The following C2orf49 variants were observed in gnomAD, a reference collection of about 807,000 sequenced individuals.
C2orf49 encodes tRNA splicing ligase complex subunit 2.
In C2orf49, 11 loss-of-function variants were observed where a neutral mutation model predicts 20.6. That is an observed-to-expected ratio of 0.53 (90% CI 0.34 to 0.88). C2orf49 has a LOEUF of 0.88. Among genes scored for constraint, C2orf49 ranks in the 40% least tolerant of loss-of-function variants. C2orf49 has a pLI of 0.02. For missense variants in C2orf49, 289 were observed against 274.2 expected (o/e 1.05, Z -0.38); for synonymous variants, 134 against 108.5 (o/e 1.24, Z -1.46).
chr2:105,359,813 C>T, the C2orf49 span: 2 of 152,150 alleles, frequency 1.3e-5, no homozygotes, highest in African/African-American at 4.8e-5. Flanking sequence ...AACAGGATGT[C>T]GTCTCTGGCC....
intron 3 of C2orf49, 52 bp from the exon 4 acceptor site, chr2:105,345,263 T>A: frequency 2.7e-6 from 4 of 1,491,178 alleles, no homozygotes; most frequent in Non-Finnish European, 3.7e-6. Context: ...TCATTTTAGT[T>A]GTTTTCTGAT....
the C2orf49 span, among the ~76,000 whole-genome samples, chr2:105,383,119 C>G: frequency 6.6e-6 from 1 of 152,338 alleles, no homozygotes; most frequent in South Asian, 2.1e-4. Flanking sequence ...CTCCTGGCCT[C>G]AAGTGTTCCA....
chr2:105,353,241 A>G (rs1221136330), downstream of C2orf49, among the ~76,000 whole-genome samples: 1 of 152,130 alleles, frequency 6.6e-6, no homozygotes, highest in East Asian at 1.9e-4. Context: ...TTAAGGCCCT[A>G]TCTCTTAATA....
chr2:105,373,594 G>A, the C2orf49 span: 2 of 1,614,202 alleles, frequency 1.2e-6, no homozygotes, highest in Non-Finnish European at 1.7e-6. Flanking sequence ...CTGGCACTTG[G>A]ATGAGTACTC....
chr2:105,360,073 G>A, the C2orf49 span: 1 of 152,216 alleles, frequency 6.6e-6, no homozygotes, highest in Non-Finnish European at 1.5e-5. Context: ...GGGGGACCGA[G>A]GCAGGTGGAT....
At chr2:105,352,822 T>G (rs532486348), downstream of C2orf49, among the ~76,000 whole-genome samples, 15 of 149,860 alleles carry the variant, frequency 1.0e-4, no homozygotes, top group Non-Finnish European at 1.9e-4. Flanking sequence ...ATTTAACAAT[T>G]AAAGTCGCAG....
chr2:105,363,352 G>C, the C2orf49 span: 6 of 1,614,222 alleles, frequency 3.7e-6, no homozygotes, highest in South Asian at 3.3e-5. Flanking sequence ...TCAGGCAGTA[G>C]GCAAAGTCAT....
chr2:105,381,905 C>T, the C2orf49 span, among the ~76,000 whole-genome samples: 1 of 152,066 alleles, frequency 6.6e-6, no homozygotes, highest in African/African-American at 2.4e-5. Context: ...GAAAGACCAG[C>T]GAGGGAGGCC....
At chr2:105,362,657 C>T in the C2orf49 span, among the ~76,000 whole-genome samples, 4 of 152,174 alleles carry the variant, frequency 2.6e-5, no homozygotes, top group Non-Finnish European at 4.4e-5. Context: ...ATTTGTGTAG[C>T]GATATGTGGT....
At chr2:105,363,328 G>C in the C2orf49 span, 1 of 1,614,212 alleles carries the variant, frequency 6.2e-7, no homozygotes. Context: ...TGGCATACAA[G>C]TCACAGAAGC....
At chr2:105,340,158 A>G (rs1236829827) in intron 2 of C2orf49, among the ~76,000 whole-genome samples, 4 of 152,236 alleles carry the variant, frequency 2.6e-5, no homozygotes, top group South Asian at 2.1e-4. Flanking sequence ...CAAAGCAGCT[A>G]TCAGGGCTGG....
the C2orf49 span, among the ~76,000 whole-genome samples, chr2:105,356,494 G>A: frequency 1.3e-5 from 2 of 152,206 alleles, no homozygotes; most frequent in East Asian, 3.9e-4. Context: ...AAGATCACTT[G>A]AGCCCAGAAG....
At chr2:105,359,532 T>C in the C2orf49 span, 1 of 152,226 alleles carries the variant, frequency 6.6e-6, no homozygotes, top group African/African-American at 2.4e-5. Context: ...TTTATTATAT[T>C]GCATTGTCTT....
chr2:105,350,645 TATG>T (rs1030074506), downstream of C2orf49, among the ~76,000 whole-genome samples: 15 of 152,238 alleles, frequency 9.9e-5, no homozygotes, highest in Non-Finnish European at 1.5e-5. Context: ...CTTTACCAGT[TATG>T]GTGAAAGACA....
rs932589212 is a variant in C2orf49 at position 105,348,608 on chromosome 2, C to T, written c.*3237C>T. On this transcript the variant is annotated 3_prime_UTR_variant, in exon 4 of 4. Coordinates refer to ENST00000258457, the MANE Select transcript of C2orf49 (RefSeq NM_024093.3). The stretch of plus-strand genomic sequence containing the variant: ...GTTGAACTTCAGTAATTTTTAGAGG[C>T]TAAATAATGGTCAGAATGTTTTTAA... The T allele has an allele frequency of 2.7e-5, 4 of 148,604 alleles. No individual in the cohort carries two copies. Among genetic ancestry groups the T allele is most frequent in the Non-Finnish European group, 4.4e-5 (3 of 67,486 alleles). The allele number at this position is 148,604 out of a possible 1,614,324, so 9.2% of individuals were successfully genotyped here. A position where few individuals can be genotyped will look rare whatever the true frequency, so the allele number is the denominator to read the frequency against.
the C2orf49 span, among the ~76,000 whole-genome samples, chr2:105,385,013 T>C: frequency 6.6e-6 from 1 of 152,222 alleles, no homozygotes; most frequent in Non-Finnish European, 1.5e-5. Context: ...CAAGACAGGA[T>C]ACAGGAAGAT....
At chr2:105,368,700 A>G in the C2orf49 span, among the ~76,000 whole-genome samples, 1 of 152,226 alleles carries the variant, frequency 6.6e-6, no homozygotes, top group Admixed American at 6.5e-5. Context: ...CTGTTGACTG[A>G]CATTTTTTCA....
chr2:105,351,317 C>T (rs967616508), downstream of C2orf49, among the ~76,000 whole-genome samples: 2 of 117,260 alleles, frequency 1.7e-5, no homozygotes, highest in Non-Finnish European at 3.9e-5. Context: ...CACCGCGCCC[C>T]CCCCCCCCCA....
the C2orf49 span, among the ~76,000 whole-genome samples, chr2:105,379,472 T>C: frequency 2.0e-5 from 3 of 152,204 alleles, no homozygotes; most frequent in African/African-American, 7.2e-5. Flanking sequence ...AAAATTCTTT[T>C]TCTTAATTCT....
Sources: allele counts gnomAD v4.1 joint callset (sites outside exome capture counted in the v4.1 genomes callset), GRCh38; gene constraint gnomAD v4.1.1; transcripts MANE v1.5; gene names NCBI Gene and HGNC (gene_info 2026-07-23, HGNC 2026-07-21).